The following CDH23 variants were observed in gnomAD, a reference collection of about 807,000 sequenced individuals.
CDH23 encodes the protein cadherin related 23, also known as cadherin-23.
In CDH23, 189 loss-of-function variants were observed where a neutral mutation model predicts 317.1. The observed-to-expected ratio is 0.60, with a 90% confidence interval of 0.53 to 0.67. The LOEUF (loss-of-function observed/expected upper bound fraction) is 0.67. Among genes scored for constraint, CDH23 ranks in the 30% least tolerant of loss-of-function variants. The pLI, the probability that CDH23 is intolerant of heterozygous loss-of-function variation, is 0.00. For missense variants in CDH23, 4,401 were observed against 4,592.4 expected (o/e 0.96, Z 1.20); for synonymous variants, 1,839 against 1,876.8 (o/e 0.98, Z 0.52).
At chr10:71,420,300 T>C (rs925150554) in intron 1 of CDH23, among the ~76,000 whole-genome samples, 1 of 151,720 alleles carries the variant, frequency 6.6e-6, no homozygotes, top group Non-Finnish European at 1.5e-5. Flanking sequence ...CTCTCCCACC[T>C]CTCTCCTCCA....
At chr10:71,451,797 C>G (rs958317709) in intron 3 of CDH23, among the ~76,000 whole-genome samples, 5 of 152,234 alleles carry the variant, frequency 3.3e-5, no homozygotes, top group South Asian at 2.1e-4. Context: ...GGGCCTAGCC[C>G]TGCGCCTGGT....
intron 9 of CDH23, among the ~76,000 whole-genome samples, chr10:71,586,969 A>AT (rs1287403053): frequency 2.6e-5 from 4 of 152,144 alleles, no homozygotes; most frequent in African/African-American, 9.7e-5. Flanking sequence ...TGATGGGTTG[A>AT]TTTTTGCTAT....
chr10:71,403,456 TCCTTCCTTCCTTC>T (rs1847940765), intron 1 of CDH23, among the ~76,000 whole-genome samples: 1 of 19,678 alleles, frequency 5.1e-5, no homozygotes, highest in Non-Finnish European at 8.7e-5. Context: ...TTCCTTCCTT[TCCTTCCTTCCTTC>T]CTTCCTTCCT....
At chr10:71,468,614 TC>T (rs2132079984) in intron 3 of CDH23, among the ~76,000 whole-genome samples, 1 of 152,280 alleles carries the variant, frequency 6.6e-6, no homozygotes, top group East Asian at 1.9e-4. Context: ...TGCCACCTTT[TC>T]CCTCCTAGGT....
intron 34 of CDH23, among the ~76,000 whole-genome samples, chr10:71,736,257 C>T (rs1037609463): frequency 2.0e-5 from 3 of 152,214 alleles, no homozygotes; most frequent in East Asian, 1.9e-4. Context: ...TCCCAGGGGC[C>T]GCTGCCCCAG....
At chr10:71,593,319 C>A (rs1482734336) in intron 9 of CDH23, among the ~76,000 whole-genome samples, 1 of 152,032 alleles carries the variant, frequency 6.6e-6, no homozygotes, top group Non-Finnish European at 1.5e-5. Flanking sequence ...CACCATATAC[C>A]AAGGTAGACT....
Position 71,813,276 on chromosome 10 carries a change from C to T in CDH23, c.9666C>T (p.Tyr3222=), listed in dbSNP as rs1157377822. Residue 3222 remains tyrosine (Y), a synonymous_variant, in exon 69 of 70, where the codon TAC becomes TAT. Coordinates refer to ENST00000224721, the MANE Select transcript of CDH23 (RefSeq NM_022124.6). The part of the protein sequence containing the change: ...GSLLKVVLED[Y]LRLKKLFAQR... ...TGCTGAAGGTGGTCCTGGAGGATTA[C>T]CTGCGGCTCAAAAAGCTCTTTGCAC... 1 of 1,551,668 alleles carries T rather than the reference C, an allele frequency of 6.4e-7. No individual in the cohort carries two copies. Among genetic ancestry groups the T allele is most frequent in the South Asian group, 1.2e-5 (1 of 84,064 alleles).
chr10:71,641,808 G>A (rs1336640973), intron 11 of CDH23, among the ~76,000 whole-genome samples: 2 of 152,196 alleles, frequency 1.3e-5, no homozygotes, highest in Admixed American at 6.5e-5. Flanking sequence ...ACCAGACACA[G>A]TGGCTCATGC....
intron 9 of CDH23, among the ~76,000 whole-genome samples, chr10:71,591,882 G>A (rs1564674476): frequency 6.6e-6 from 1 of 152,082 alleles, no homozygotes; most frequent in Non-Finnish European, 1.5e-5. Context: ...GCACCCACAC[G>A]GCAATGTTTT....
chr10:71,783,325 C>T (rs1455840375), intron 41 of CDH23, among the ~76,000 whole-genome samples: 11 of 152,356 alleles, frequency 7.2e-5, no homozygotes, highest in Non-Finnish European at 7.3e-5. Context: ...CTCCACCCTC[C>T]GTGTTCTCAC....
At position 71,801,138 on chromosome 10, in the gene CDH23, G is replaced by GTC. The variant is rs200089490; in HGVS notation, c.7482+395_7482+396dup. Among the ~76,000 whole-genome samples the GTC allele has an allele frequency of 1.0e-3, 138 of 137,148 alleles. 3 individuals are homozygous for GTC. The highest frequency in any genetic ancestry group is 2.9e-3 in the African/African-American group (105 of 35,766). The allele number at this position is 137,148 out of a possible 152,430, so 90.0% of individuals were successfully genotyped here. A position where few individuals can be genotyped will look rare whatever the true frequency, so the allele number is the denominator to read the frequency against. ...TTATAAAGGAATCATCTTTATTTAT[G>GTC]TCTCTCTCTCTCTTTTTTTTTTTTT... On this transcript the variant is annotated intron_variant, in intron 53 of 69. Coordinates refer to ENST00000224721, the MANE Select transcript of CDH23 (RefSeq NM_022124.6).
chr10:71,694,224 G>T lies in CDH23; in HGVS notation c.2254G>T (p.Gly752Cys), dbSNP rs1302392140. The change falls in exon 21 of 70, where the codon GGT becomes TGT. Residue 752 changes from glycine to cysteine, a missense_variant. By Grantham distance (159) the Gly-to-Cys change is radical. Transcript: ENST00000224721. ...YILIVRAVDG[G>C]VGHNQKTGIA... is the part of the protein sequence containing the mutation. ...CCTCATCGTTCGCGCAGTGGACGGG[G>T]GTGTGGGCCACAACCAGAAAACTGG... 6.2e-7 allele frequency: 1 copy of T among 1,613,444 alleles called. No homozygotes were observed. The highest frequency in any genetic ancestry group is 8.5e-7 in the Non-Finnish European group (1 of 1,179,714).
rs537406764 is a variant in CDH23 at position 71,645,540 on chromosome 10, G to A, written c.1141-291G>A. On this transcript the variant is annotated intron_variant, in intron 12 of 69. Transcript: ENST00000224721. ...GCTGGGGTCACTGGGACAGAGAAAG[G>A]GAGCAGGAAATGGAGAGTGAACCAA... The A allele has an allele frequency of 1.0e-3, 584 of 574,238 alleles. 11 individuals carry two copies. The highest frequency in any genetic ancestry group is 8.5e-3 in the South Asian group (560 of 66,024). 35.6% of individuals were successfully genotyped at this position (574,238 alleles called of 1,614,324 possible).
rs4747194 is a variant in CDH23, at chr10:71,799,129, G to A, written c.7073G>A (p.Arg2358Gln). ...DSSAGKVIAN[R>Q]TVDYEEVHWL... is the part of the protein sequence containing the mutation. ...GTCTTAGGGAAGGTCATTGCCAACC[G>A]GACAGTGGACTACGAGGAGGTGCAC... is the stretch of plus-strand genomic sequence containing the variant. The change falls in exon 51 of 70, where the codon CGG (arginine) becomes CAG (glutamine). Residue 2358 changes from arginine to glutamine, a missense_variant. Physicochemically the swap from Arg to Gln is conservative, Grantham distance 43. Around this residue, in one of 3 missense-constraint regions of CDH23, gnomAD observed 189 missense variants for 250.9 expected, o/e 0.75. Coordinates refer to ENST00000224721, the MANE Select transcript of CDH23 (RefSeq NM_022124.6). The A allele has an allele frequency of 0.29, 469,813 of 1,613,004 alleles. 71,697 individuals are homozygous for A. The highest frequency in any genetic ancestry group is 0.57 in the East Asian group (25,579 of 44,836).
At chr10:71,714,499 CAGTA>C (rs962311060) in intron 28 of CDH23, 1 of 152,188 alleles carries the variant, frequency 6.6e-6, no homozygotes. Context: ...AGGTAGGAGA[CAGTA>C]GGGGCGGCTC....
intron 21 of CDH23, among the ~76,000 whole-genome samples, chr10:71,694,855 C>T (rs1589343088): frequency 6.6e-6 from 1 of 152,306 alleles, no homozygotes; most frequent in African/African-American, 2.4e-5. Context: ...TTTGGCTCAC[C>T]CTCAAAACTG....
rs1463928725 is a variant in CDH23 at position 71,397,615 on chromosome 10, G to A, written c.-6+297G>A. Among the ~76,000 whole-genome samples, 1 of 152,068 alleles carries A rather than the reference G, an allele frequency of 6.6e-6. No individual in the cohort carries two copies. Among genetic ancestry groups the A allele is most frequent in the Non-Finnish European group, 1.5e-5 (1 of 67,990 alleles). On this transcript the variant is annotated intron_variant, in intron 1 of 69. Transcript: ENST00000224721. The surrounding 1 kb of genome is among the most constrained non-coding windows in gnomAD (Gnocchi z 4.8). Reference sequence around the variant, plus strand: ...ATCCCATCCCCCATCCCCGGTCCTGGGACCGCGAACATTTGGGGGCTTTGC... The same window carrying A: ...ATCCCATCCCCCATCCCCGGTCCTGAGACCGCGAACATTTGGGGGCTTTGC...
intron 38 of CDH23, chr10:71,773,534 T>TGAGC: frequency 2.4e-6 from 3 of 1,257,910 alleles, no homozygotes. Context: ...TGCGAGCGAG[T>TGAGC]GAGCGCTGCG....
intron 16 of CDH23, 73 bp downstream of exon 16, chr10:71,677,766 T>C (rs567625482): frequency 1.6e-6 from 2 of 1,258,688 alleles, no homozygotes; most frequent in African/African-American, 1.5e-5. Context: ...GCTTGCTTCT[T>C]TTTTGTTTTT....
Sources: gnomAD v4.1 joint callset for allele counts (sites outside exome capture counted in the v4.1 genomes callset) on GRCh38, gnomAD v4.1.1 for gene constraint, gnomAD v4.1.1 regional missense constraint, Gnocchi (gnomAD v3.1) non-coding constraint, MANE v1.5 for transcripts, NCBI Gene and HGNC (gene_info 2026-07-23, HGNC 2026-07-21) for gene names.